AARS2: variants seen among roughly 807,000 people sequenced by gnomAD.
AARS2 encodes alanyl-tRNA synthetase 2, mitochondrial.
AARS2 carries 78 observed loss-of-function variants against 119.7 expected under a neutral mutation model. The observed-to-expected ratio is 0.65, with a 90% confidence interval of 0.54 to 0.79. AARS2 has a LOEUF of 0.79. Among genes scored for constraint, AARS2 ranks in the 30% least tolerant of loss-of-function variants. The pLI, the probability that AARS2 is intolerant of heterozygous loss-of-function variation, is 0.00. For missense variants in AARS2, 1,157 were observed against 1,291.3 expected (o/e 0.90, Z 1.59); for synonymous variants, 502 against 526.3 (o/e 0.95, Z 0.63).
rs1326496180 is a variant in AARS2, at chr6:44,304,786, T to C, written c.1611A>G (p.Gln537=). The C allele has an allele frequency of 1.9e-6, 3 of 1,614,136 alleles. No individual in the cohort carries two copies. The highest frequency in any genetic ancestry group is 2.2e-5 in the South Asian group (2 of 91,090). ...EFGTCEAQVL[Q]LYTEDGTAVA... ...CTGCTGTCCCGTCCTCTGTATACAG[T>C]TGCAACACCTGGGCCTCACAGGTGC... is the stretch of plus-strand genomic sequence containing the variant. The change falls in exon 12 of 22, where the codon CAA becomes CAG. Residue 537 remains glutamine, a synonymous_variant. Coordinates refer to ENST00000244571, the MANE Select transcript of AARS2 (RefSeq NM_020745.4).
In AARS2 at chr6:44,311,058, C is replaced by G. The variant is rs756241702; in HGVS notation, c.685G>C (p.Ala229Pro). The G allele has an allele frequency of 1.2e-6, 2 of 1,614,056 alleles. No individual in the cohort carries two copies. Among genetic ancestry groups the G allele is most frequent in the Non-Finnish European group, 1.7e-6 (2 of 1,180,040 alleles). The change falls in exon 4 of 22, where the codon GCT becomes CCT. Residue 229 changes from alanine to proline, a missense_variant. Transcript: ENST00000244571. The stretch of plus-strand genomic sequence containing the variant: ...AGCTGGGGGGCTCCCACCCCACCAG[C>G]AAGGTCGTAGTGGATCTCAGTACAG... The part of the protein sequence containing the change: ...GPCTEIHYDL[A>P]GGVGAPQLVE...
chr6:44,306,588 C>T, intron 7 of AARS2, 56 bp from the exon 8 acceptor site: 1 of 1,604,788 alleles, frequency 6.2e-7, no homozygotes, highest in Non-Finnish European at 8.5e-7. Flanking sequence ...CCACCCCCAC[C>T]TCCCCACCCT....
chr6:44,301,062 G>T, intron 21 of AARS2, 94 bp downstream of exon 21: 2 of 803,942 alleles, frequency 2.5e-6, no homozygotes, highest in South Asian at 1.7e-5. Flanking sequence ...ACCCAGCCTT[G>T]GCCCCTTTGG....
intron 21 of AARS2, 55 bp from the exon 22 acceptor site, chr6:44,300,766 C>T: frequency 6.3e-7 from 1 of 1,591,262 alleles, no homozygotes; most frequent in Non-Finnish European, 8.5e-7. Context: ...CTGCCAGCAT[C>T]CACTCAAGGT....
At chr6:44,311,227 TGA>T in intron 3 of AARS2, 66 bp from the exon 4 acceptor site, 1 of 1,603,296 alleles carries the variant, frequency 6.2e-7, no homozygotes. Context: ...CTCTCTGCCA[TGA>T]GAGCCCCTCC....
chr6:44,312,905 CAAGCCCTCCCT>C (rs941408258), intron 1 of AARS2, among the ~76,000 whole-genome samples, 165 bp downstream of exon 1: 1 of 152,182 alleles, frequency 6.6e-6, no homozygotes, highest in Non-Finnish European at 1.5e-5. Flanking sequence ...AAGCCCTCCC[CAAGCCCTCCCT>C]ATACTCTGAG....
chr6:44,303,007 C>A, intron 16 of AARS2, 59 bp downstream of exon 16: 1 of 1,608,242 alleles, frequency 6.2e-7, no homozygotes, highest in Non-Finnish European at 8.5e-7. Context: ...GCTCCAAAGA[C>A]CAAGGGAAGG....
At position 44,304,736 on chromosome 6, in the gene AARS2, C is replaced by T. The variant is rs139280416; in HGVS notation, c.1661G>A (p.Arg554His). Residue 554 changes from arginine (R) to histidine (H), a missense_variant, in exon 12 of 22, where the codon CGC becomes CAC. Physicochemically the swap from Arg to His is conservative, Grantham distance 29. Transcript: ENST00000244571. ...GGTCCTGTCCAAGAGGAGGCCACAG[C>T]GCTGGCCTTTCCCCACGGAGGCCAC... ...TAVASVGKGQRCGLLLDRTNF... is the reference protein window; with the variant it reads ...TAVASVGKGQHCGLLLDRTNF... 5.2e-4 allele frequency: 835 copies of T among 1,614,222 alleles called. 9 individuals are homozygous for T. In the South Asian group the frequency reaches 6.0e-3, roughly 12 times the overall value.
chr6:44,312,979 G>C, intron 1 of AARS2, 102 bp downstream of exon 1: 2 of 1,541,784 alleles, frequency 1.3e-6, no homozygotes, highest in Non-Finnish European at 1.8e-6. Flanking sequence ...TTCCCCAAAA[G>C]CTACGAACTC....
Position 44,313,145 on chromosome 6 carries a change from G to A in AARS2, c.179C>T (p.Pro60Leu). 4 of 1,611,540 alleles carry A rather than the reference G, an allele frequency of 2.5e-6. No homozygotes were observed. Among genetic ancestry groups the A allele is most frequent in the South Asian group, 1.1e-5 (1 of 90,932 alleles). The change falls in exon 1 of 22, where the codon CCC becomes CTC. Residue 60 changes from proline to leucine, a missense_variant. Physicochemically the swap from Pro to Leu is moderately conservative, Grantham distance 98. Transcript: ENST00000244571. Reference protein sequence around the residue: ...FRDRHGHRLVPSASVRPRGDP... With the variant: ...FRDRHGHRLVLSASVRPRGDP... ...GCCGCGGGGCCGCACGGAAGCGGAG[G>A]GCACCAGCCGGTGGCCATGGCGGTC...
intron 9 of AARS2, 81 bp downstream of exon 9, chr6:44,306,199 G>T (rs1431455709): frequency 7.5e-7 from 1 of 1,330,120 alleles, no homozygotes; most frequent in African/African-American, 1.4e-5. Context: ...TGAGGCATGG[G>T]GCTGGCCCAG....
Position 44,302,271 on chromosome 6 carries a change from T to C in AARS2, c.2488-101A>G, listed in dbSNP as rs144194985. 6.2e-4 allele frequency: 999 copies of C among 1,609,914 alleles called. 11 individuals are homozygous for C. The African/African-American group carries it at 0.012, about 19-fold the overall frequency. On this transcript the variant is annotated intron_variant, in intron 18 of 21. Transcript: ENST00000244571. ...GGAAGACACCCACCCTGCAGACAAA[T>C]ATCTGGGCCAGCTGGAGCCCAACCC...
chr6:44,311,697 G>A (rs908424006), intron 2 of AARS2, among the ~76,000 whole-genome samples, 162 bp from the exon 3 acceptor site: 46 of 152,184 alleles, frequency 3.0e-4, no homozygotes, highest in African/African-American at 1.1e-3. Flanking sequence ...GCCTCTGAGT[G>A]TTTTCCTGCC....
At chr6:44,310,946 T>C (rs1278711524) in intron 4 of AARS2, 48 bp downstream of exon 4, 2 of 1,612,118 alleles carry the variant, frequency 1.2e-6, no homozygotes, top group Non-Finnish European at 1.7e-6. Context: ...ATTGCCACCT[T>C]TCCCACTTCT....
chr6:44,300,169 T>TGG lies in AARS2; in HGVS notation c.*376_*377dup. Reference sequence around the variant, plus strand: ...TAATTTTTTGTATTTTTAGTAGAGATGGGGTTTCACCATGTTAGCCAGGAT... The same window carrying TGG: ...TAATTTTTTGTATTTTTAGTAGAGATGGGGGGTTTCACCATGTTAGCCAGGAT... On this transcript the variant is annotated 3_prime_UTR_variant, in exon 22 of 22. Coordinates refer to ENST00000244571, the MANE Select transcript of AARS2 (RefSeq NM_020745.4). The TGG allele has an allele frequency of 3.7e-6, 1 of 273,122 alleles. No individual in the cohort carries two copies. Among genetic ancestry groups the TGG allele is most frequent in the South Asian group, 4.1e-5 (1 of 24,446 alleles). The allele number at this position is 273,122 out of a possible 1,614,324, so 16.9% of individuals were successfully genotyped here. A position where few individuals can be genotyped will look rare whatever the true frequency, so the allele number is the denominator to read the frequency against.
In AARS2 at chr6:44,305,271, G is replaced by T; in HGVS notation, c.1435-73C>A. 8 of 1,591,170 alleles carry T rather than the reference G, an allele frequency of 5.0e-6. No individual in the cohort carries two copies. Among genetic ancestry groups the T allele is most frequent in the Non-Finnish European group, 6.8e-6 (8 of 1,173,130 alleles). On this transcript the variant is annotated intron_variant, in intron 10 of 21. Transcript: ENST00000244571. The surrounding 1 kb of genome is among the most constrained non-coding windows in gnomAD (Gnocchi z 4.6). Reference sequence around the variant, plus strand: ...ATGAAAGTGGGACTTCAGCCTCGCAGGGCCCTGTCCCTGCCACACAGCTGT... The same window carrying T: ...ATGAAAGTGGGACTTCAGCCTCGCATGGCCCTGTCCCTGCCACACAGCTGT...
chr6:44,302,408 T>A lies in AARS2; in HGVS notation c.2470A>T (p.Ile824Leu), dbSNP rs752360698. The A allele has an allele frequency of 6.2e-7, 1 of 1,614,126 alleles. No individual in the cohort carries two copies. The highest frequency in any genetic ancestry group is 8.5e-7 in the Non-Finnish European group (1 of 1,180,000). Residue 824 changes from isoleucine (I) to leucine (L), a missense_variant, in exon 18 of 22, where the codon ATA becomes TTA. Physicochemically the swap from Ile to Leu is conservative, Grantham distance 5. Transcript: ENST00000244571. ...VAEALRLSKD[I>L]GRLIEAVETA... The stretch of plus-strand genomic sequence containing the variant: ...GCCCTCACTTCAATGAGTCGTCCTA[T>A]GTCCTTGGACAGCCTCAGTGCCTCC...
In AARS2 at chr6:44,304,477, C is replaced by G. The variant is rs768337166; in HGVS notation, c.1809G>C (p.Glu603Asp). ...AQVCGGFILH[E>D]AVAPECLRLG... is the part of the protein sequence containing the mutation. The stretch of plus-strand genomic sequence containing the variant: ...ACCGCAGGCACTCAGGGGCTACTGC[C>G]TCATGCAGGATGAAACCTCCACAGA... The change falls in exon 13 of 22, where the codon GAG becomes GAC. Residue 603 changes from glutamate to aspartate, a missense_variant. Transcript: ENST00000244571. 3 of 1,614,090 alleles carry G rather than the reference C, an allele frequency of 1.9e-6. No homozygotes were observed. Among genetic ancestry groups the G allele is most frequent in the South Asian group, 2.2e-5 (2 of 91,086 alleles).
Position 44,307,512 on chromosome 6 carries a change from G to GC in AARS2, c.895-119dup. 2 of 1,347,366 alleles carry GC rather than the reference G, an allele frequency of 1.5e-6. No homozygotes were observed. The highest frequency in any genetic ancestry group is 2.6e-5 in the South Asian group (2 of 78,126). The allele number at this position is 1,347,366 out of a possible 1,614,324, so 83.5% of individuals were successfully genotyped here. On this transcript the variant is annotated intron_variant, in intron 5 of 21. Transcript: ENST00000244571. This position sits in a 1 kb window ranked among gnomAD's most constrained non-coding sequence, Gnocchi z 4.4. Reference sequence around the variant, plus strand: ...AGCCAACCACATCCAGAATGGCCTTGCCAGTCCAGTCCTGGGCTGAGAAGC... The same window carrying GC: ...AGCCAACCACATCCAGAATGGCCTTGCCCAGTCCAGTCCTGGGCTGAGAAGC...
Sources: allele counts gnomAD v4.1 joint callset (sites outside exome capture counted in the v4.1 genomes callset), GRCh38; gene constraint gnomAD v4.1.1; non-coding constraint Gnocchi (gnomAD v3.1); transcripts MANE v1.5; gene names NCBI Gene and HGNC (gene_info 2026-07-23, HGNC 2026-07-21).